The following PLA2G4A variants were observed in gnomAD, a reference collection of about 807,000 sequenced individuals.
PLA2G4A encodes the protein phospholipase A2 group IVA.
A neutral mutation model predicts 81.9 loss-of-function variants in PLA2G4A; 40 were observed. The observed-to-expected ratio is 0.49, with a 90% CI of 0.38 to 0.64. The LOEUF (loss-of-function observed/expected upper bound fraction) is 0.64. Ranked by LOEUF, PLA2G4A falls within the 30% of genes least tolerant of loss-of-function variation. PLA2G4A has a pLI of 0.00. For synonymous variants in PLA2G4A, 302 were observed against 296.9 expected, an observed-to-expected ratio of 1.02 and a Z score of -0.18; for missense variants, 715 against 905.1, an observed-to-expected ratio of 0.79 and a Z score of 2.69.
chr1:186,948,817 T>A (rs1656432397), intron 12 of PLA2G4A, among the ~76,000 whole-genome samples: 1 of 152,110 alleles, frequency 6.6e-6, no homozygotes, highest in Non-Finnish European at 1.5e-5. Flanking sequence ...GAATATCGTG[T>A]ATGTGTGATC....
chr1:186,872,595 A>T (rs746010987), intron 3 of PLA2G4A, among the ~76,000 whole-genome samples: 3 of 152,098 alleles, frequency 2.0e-5, no homozygotes, highest in Non-Finnish European at 4.4e-5. Context: ...GTCCAACAGC[A>T]GTTCAAACTT....
intron 10 of PLA2G4A, among the ~76,000 whole-genome samples, chr1:186,941,454 C>T (rs1479717787): frequency 1.3e-5 from 2 of 152,146 alleles, no homozygotes; most frequent in African/African-American, 2.4e-5. Flanking sequence ...GCTTATGGTT[C>T]AGAACGCACT....
At chr1:186,834,492 C>G (rs1651708895) in intron 1 of PLA2G4A, among the ~76,000 whole-genome samples, 1 of 151,878 alleles carries the variant, frequency 6.6e-6, no homozygotes, top group Non-Finnish European at 1.5e-5. Flanking sequence ...GGTTGTCACA[C>G]TCTTTCTATT....
intron 2 of PLA2G4A, among the ~76,000 whole-genome samples, chr1:186,866,011 C>T (rs1359895263): frequency 6.6e-6 from 1 of 152,178 alleles, no homozygotes; most frequent in Admixed American, 6.5e-5. Context: ...TTAGATTTGA[C>T]ATCTCAATTG....
chr1:186,868,815 A>T (rs1265220039), intron 2 of PLA2G4A, among the ~76,000 whole-genome samples: 1 of 152,136 alleles, frequency 6.6e-6, no homozygotes, highest in East Asian at 1.9e-4. Flanking sequence ...TCGTGAGCAT[A>T]GAGTTGTTTG....
chr1:186,974,277 G>C (rs1392160882), intron 15 of PLA2G4A, among the ~76,000 whole-genome samples: 2 of 151,826 alleles, frequency 1.3e-5, no homozygotes, highest in Non-Finnish European at 2.9e-5. Context: ...TGGTGTTTCA[G>C]TACTCAAAAA....
intron 3 of PLA2G4A, among the ~76,000 whole-genome samples, chr1:186,874,460 C>A (rs1653397153): frequency 6.6e-6 from 1 of 152,000 alleles, no homozygotes; most frequent in African/African-American, 2.4e-5. Context: ...ATGTTTCACT[C>A]CCTGCTATGA....
At chr1:186,883,091 G>A (rs1048462902) in intron 3 of PLA2G4A, among the ~76,000 whole-genome samples, 1 of 151,868 alleles carries the variant, frequency 6.6e-6, no homozygotes, top group Admixed American at 6.6e-5. Context: ...GTATCTTTAA[G>A]GTATTCAAGG....
chr1:186,963,469 C>T (rs1366029914), intron 14 of PLA2G4A, among the ~76,000 whole-genome samples: 1 of 152,194 alleles, frequency 6.6e-6, no homozygotes, highest in African/African-American at 2.4e-5. Flanking sequence ...TATTTCTCGT[C>T]TCTCTCCTTA....
chr1:186,928,466 T>TTC lies in PLA2G4A; in HGVS notation c.559-4294_559-4293dup, dbSNP rs562293012. The stretch of plus-strand genomic sequence containing the variant: ...ACTTGCCTCACTGAGCAGGAGGGAA[T>TTC]TCTCCAGCAGACTTCCCTTGGGCTT... On this transcript the variant is annotated intron_variant, in intron 7 of 17. Transcript: ENST00000367466. Among the ~76,000 whole-genome samples the TTC allele has an allele frequency of 2.0e-4, 31 of 152,256 alleles. No individual in the cohort carries two copies. In the South Asian group the frequency reaches 6.2e-3, roughly 31 times the overall value.
At chr1:186,921,546 G>A (rs1294214993) in intron 7 of PLA2G4A, among the ~76,000 whole-genome samples, 1 of 152,068 alleles carries the variant, frequency 6.6e-6, no homozygotes, top group African/African-American at 2.4e-5. Flanking sequence ...TTCCAGTCTT[G>A]GGCCATAAGC....
chr1:186,909,472 C>A (rs1031808587), intron 6 of PLA2G4A, among the ~76,000 whole-genome samples: 14 of 150,932 alleles, frequency 9.3e-5, no homozygotes, highest in African/African-American at 3.4e-4. Flanking sequence ...ACCAGGTTGA[C>A]CAACATGGAG....
intron 1 of PLA2G4A, among the ~76,000 whole-genome samples, chr1:186,842,420 C>G (rs1452180600): frequency 6.6e-6 from 1 of 152,164 alleles, no homozygotes; most frequent in Non-Finnish European, 1.5e-5. Flanking sequence ...CTTTTCTCCA[C>G]TAACAATTGT....
chr1:186,983,223 G>A (rs1462562702), intron 17 of PLA2G4A, among the ~76,000 whole-genome samples: 1 of 152,186 alleles, frequency 6.6e-6, no homozygotes, highest in Non-Finnish European at 1.5e-5. Flanking sequence ...TTTGAATAGA[G>A]TAGGGTACCG....
chr1:186,928,217 G>A (rs567732863), intron 7 of PLA2G4A, among the ~76,000 whole-genome samples: 1 of 152,264 alleles, frequency 6.6e-6, no homozygotes, highest in South Asian at 2.1e-4. Context: ...TGCACTCTGA[G>A]GGGCCCAAAG....
intron 3 of PLA2G4A, among the ~76,000 whole-genome samples, chr1:186,878,990 A>G (rs536885211): frequency 6.6e-6 from 1 of 152,010 alleles, no homozygotes; most frequent in African/African-American, 2.4e-5. Flanking sequence ...TTATGTGAAA[A>G]TGCTTACTAT....
intron 1 of PLA2G4A, among the ~76,000 whole-genome samples, chr1:186,836,832 CAG>C (rs1220695298): frequency 4.6e-5 from 7 of 152,088 alleles, no homozygotes; most frequent in Non-Finnish European, 8.8e-5. Flanking sequence ...TACAAACAAA[CAG>C]ATAATAAATT....
At chr1:186,978,869 C>A (rs1657621545) in intron 16 of PLA2G4A, among the ~76,000 whole-genome samples, 1 of 152,164 alleles carries the variant, frequency 6.6e-6, no homozygotes, top group African/African-American at 2.4e-5. Flanking sequence ...CATTAGCAAG[C>A]CGGCTACCAC....
At chr1:186,948,783 C>T (rs569708667) in intron 12 of PLA2G4A, among the ~76,000 whole-genome samples, 5 of 152,058 alleles carry the variant, frequency 3.3e-5, no homozygotes, top group East Asian at 1.9e-4. Flanking sequence ...CTTATTGACT[C>T]GGACTGTGTG....
Sources: gnomAD v4.1 joint callset for allele counts (sites outside exome capture counted in the v4.1 genomes callset) on GRCh38, gnomAD v4.1.1 for gene constraint, MANE v1.5 for transcripts, NCBI Gene and HGNC (gene_info 2026-07-23, HGNC 2026-07-21) for gene names.